TMEM184B: variants seen among roughly 807,000 people sequenced by gnomAD.
TMEM184B encodes transmembrane protein 184B, also known as putative MAPK-activating protein FM08.
A neutral mutation model predicts 41.8 loss-of-function variants in TMEM184B; 17 were observed. That is an observed-to-expected ratio of 0.41 (90% CI 0.28 to 0.61). The LOEUF (loss-of-function observed/expected upper bound fraction) is 0.61. Among genes scored for constraint, TMEM184B ranks in the 20% least tolerant of loss-of-function variants. The pLI, the probability that TMEM184B is intolerant of heterozygous loss-of-function variation, is 0.34. For missense variants in TMEM184B, 393 were observed against 557.8 expected (o/e 0.70, Z 2.98); for synonymous variants, 240 against 229.5 (o/e 1.05, Z -0.41).
In TMEM184B at chr22:38,220,561, C is replaced by G. The variant is rs2146041738; in HGVS notation, c.*908G>C. 1 of 985,972 alleles carries G rather than the reference C, an allele frequency of 1.0e-6. No homozygotes were observed. Among genetic ancestry groups the G allele is most frequent in the Non-Finnish European group, 1.2e-6 (1 of 830,024 alleles). The allele number at this position is 985,972 out of a possible 1,614,324, so 61.1% of individuals were successfully genotyped here. A position where few individuals can be genotyped will look rare whatever the true frequency, so the allele number is the denominator to read the frequency against. On this transcript the variant is annotated 3_prime_UTR_variant, in exon 9 of 9. Transcript: ENST00000361906. Reference sequence around the variant, plus strand: ...CAGAAGCTGGTCTGAAACGTGGAGACTCAGACCTTTCCCCTGAAACGGGAG... The same window carrying G: ...CAGAAGCTGGTCTGAAACGTGGAGAGTCAGACCTTTCCCCTGAAACGGGAG...
chr22:38,222,471 G>T, intron 8 of TMEM184B: 1 of 387,962 alleles, frequency 2.6e-6, no homozygotes, highest in Non-Finnish European at 3.5e-6. Flanking sequence ...GACGGAAGCA[G>T]GCAAGCTCTA....
At position 38,220,667 on chromosome 22, in the gene TMEM184B, G is replaced by T. The variant is rs2091233393; in HGVS notation, c.*802C>A. 1.0e-6 allele frequency: 1 copy of T among 986,220 alleles called. No homozygotes were observed. The allele number at this position is 986,220 out of a possible 1,614,324, so 61.1% of individuals were successfully genotyped here. A position where few individuals can be genotyped will look rare whatever the true frequency, so the allele number is the denominator to read the frequency against. ...AGCCCCTGAGCCCTGAAGCAGCCAG[G>T]AAGCAAGGGCTCTGCCCAAAGCTAT... On this transcript the variant is annotated 3_prime_UTR_variant, in exon 9 of 9. Coordinates refer to ENST00000361906, the MANE Select transcript of TMEM184B (RefSeq NM_012264.5).
intron 1 of TMEM184B, among the ~76,000 whole-genome samples, chr22:38,250,956 C>T (rs1007881610): frequency 2.6e-5 from 4 of 152,134 alleles, no homozygotes; most frequent in Non-Finnish European, 4.4e-5. Flanking sequence ...AGTGACTTAC[C>T]CCCAAATCAG....
chr22:38,226,748 CCA>C lies in TMEM184B; in HGVS notation c.617+29_617+30del, dbSNP rs2091451440. ...GCACCAGCCTGCGCCAACACTCCTC[CCA>C]CACACCCCGGGGAGCACCCGCTGCT... On this transcript the variant is annotated intron_variant, in intron 6 of 8. Coordinates refer to ENST00000361906, the MANE Select transcript of TMEM184B (RefSeq NM_012264.5). The surrounding 1 kb of genome is among the most constrained non-coding windows in gnomAD (Gnocchi z 4.6). The C allele has an allele frequency of 6.4e-7, 1 of 1,564,288 alleles. No individual in the cohort carries two copies. Among genetic ancestry groups the C allele is most frequent in the Non-Finnish European group, 8.7e-7 (1 of 1,153,502 alleles).
intron 3 of TMEM184B, among the ~76,000 whole-genome samples, chr22:38,233,858 C>T (rs2091700990): frequency 6.6e-6 from 1 of 152,162 alleles, no homozygotes; most frequent in Non-Finnish European, 1.5e-5. Context: ...CAACCTCCAC[C>T]TCTAGGGTTC....
chr22:38,253,799 AG>A (rs2092220896), intron 1 of TMEM184B, among the ~76,000 whole-genome samples: 1 of 152,226 alleles, frequency 6.6e-6, no homozygotes, highest in African/African-American at 2.4e-5. Flanking sequence ...ATATAAGAAA[AG>A]TAAAAACTTA....
At chr22:38,234,841 C>T (rs2091730541) in intron 3 of TMEM184B, among the ~76,000 whole-genome samples, 1 of 152,200 alleles carries the variant, frequency 6.6e-6, no homozygotes, top group Admixed American at 6.6e-5. Context: ...GTGGTCCCAC[C>T]TCTTAGGAGC....
chr22:38,218,626 G>A (rs1175441763), downstream of TMEM184B, among the ~76,000 whole-genome samples: 1 of 152,162 alleles, frequency 6.6e-6, no homozygotes, highest in East Asian at 1.9e-4. Context: ...CCGTGTCCAC[G>A]GGGCTTTCTC....
In TMEM184B at chr22:38,226,399, A is replaced by G. The variant is rs1462611124; in HGVS notation, c.617+380T>C. The G allele has an allele frequency of 4.9e-6, 1 of 206,156 alleles. No individual in the cohort carries two copies. The highest frequency in any genetic ancestry group is 5.1e-5 in the Admixed American group (1 of 19,606). The allele number at this position is 206,156 out of a possible 1,614,324, so 12.8% of individuals were successfully genotyped here. A position where few individuals can be genotyped will look rare whatever the true frequency, so the allele number is the denominator to read the frequency against. ...CCCAGCCACGGGGTCACTTTCACTA[A>G]GCCCAGAATGAAATGGGTGTGGACA... On this transcript the variant is annotated intron_variant, in intron 6 of 8. Transcript: ENST00000361906. This position sits in a 1 kb window ranked among gnomAD's most constrained non-coding sequence, Gnocchi z 4.6.
chr22:38,251,784 A>G (rs1215777265), intron 1 of TMEM184B, among the ~76,000 whole-genome samples: 4 of 152,150 alleles, frequency 2.6e-5, no homozygotes, highest in Non-Finnish European at 5.9e-5. Context: ...TCCCGTGGGG[A>G]AAGGGGTGGG....
At chr22:38,221,783 C>A (rs556726576) in intron 8 of TMEM184B, 73 bp from the exon 9 acceptor site, 1 of 1,571,526 alleles carries the variant, frequency 6.4e-7, no homozygotes, top group South Asian at 1.2e-5. Context: ...AGCCCCTGCC[C>A]GTGATCCTGG....
At chr22:38,271,359 G>A (rs2092519579) in intron 1 of TMEM184B, among the ~76,000 whole-genome samples, 1 of 152,200 alleles carries the variant, frequency 6.6e-6, no homozygotes, top group Non-Finnish European at 1.5e-5. Context: ...ATTCCATCCA[G>A]GCTTGCCACG....
At position 38,220,237 on chromosome 22, in the gene TMEM184B, T is replaced by C. The variant is rs541812365; in HGVS notation, c.*1232A>G. 5,055 of 985,784 alleles carry C rather than the reference T, an allele frequency of 5.1e-3. 21 individuals are homozygous for C. Among genetic ancestry groups the C allele is most frequent in the Non-Finnish European group, 5.8e-3 (4,791 of 830,020 alleles). The allele number at this position is 985,784 out of a possible 1,614,324, so 61.1% of individuals were successfully genotyped here. On this transcript the variant is annotated 3_prime_UTR_variant, in exon 9 of 9. Coordinates refer to ENST00000361906, the MANE Select transcript of TMEM184B (RefSeq NM_012264.5). Reference sequence around the variant, plus strand: ...GTGGAGGGGGAGAGGAGGGGCTTGGTGGTCCTGACCACTCCTGAGGCCTGT... The same window carrying C: ...GTGGAGGGGGAGAGGAGGGGCTTGGCGGTCCTGACCACTCCTGAGGCCTGT...
intron 8 of TMEM184B, chr22:38,223,956 G>A (rs2091342692): frequency 6.6e-6 from 1 of 152,266 alleles, no homozygotes. Context: ...TCCGAGGGTG[G>A]GGCTGGGTAT....
Position 38,239,062 on chromosome 22 carries a change from C to CCT in TMEM184B, c.358+6871_358+6872dup, listed in dbSNP as rs2091848152. On this transcript the variant is annotated intron_variant, in intron 3 of 8. Coordinates refer to ENST00000361906, the MANE Select transcript of TMEM184B (RefSeq NM_012264.5). The surrounding 1 kb of genome is among the most constrained non-coding windows in gnomAD (Gnocchi z 4.6). ...TGCCTCTGAACCCCAAGGCCCTGTG[C>CCT]CTCTGATCACAGAACTCCCCAGCAC... 6.6e-6 allele frequency among the ~76,000 whole-genome samples: 1 copy of CCT among 152,200 alleles called. No homozygotes were observed. The highest frequency in any genetic ancestry group is 6.5e-5 in the Admixed American group (1 of 15,278).
intron 5 of TMEM184B, among the ~76,000 whole-genome samples, chr22:38,228,312 G>C (rs1223822374): frequency 6.6e-6 from 1 of 152,184 alleles, no homozygotes; most frequent in Admixed American, 6.5e-5. Flanking sequence ...TGTTTCCCTG[G>C]GTCAGCTCAC....
chr22:38,232,977 G>C (rs1460855632), intron 3 of TMEM184B, among the ~76,000 whole-genome samples: 12 of 152,132 alleles, frequency 7.9e-5, no homozygotes, highest in Admixed American at 7.9e-4. Context: ...CTGATTTGCA[G>C]ACACTTCCCA....
chr22:38,233,513 T>C (rs2267377), intron 3 of TMEM184B, among the ~76,000 whole-genome samples: 70,282 of 152,100 alleles, frequency 0.46, 16,424 homozygotes, highest in South Asian at 0.57. Context: ...GGCTGAGGGC[T>C]GTGTGTACTG....
Position 38,220,473 on chromosome 22 carries a change from C to G in TMEM184B, c.*996G>C. On this transcript the variant is annotated 3_prime_UTR_variant, in exon 9 of 9. Transcript: ENST00000361906. ...CGAGAGGAGTCTGGGACCATTCCCCCCACCTCCCAGCTCCCCACTGTGTGG... is the reference window on the plus strand; with the variant it reads ...CGAGAGGAGTCTGGGACCATTCCCCGCACCTCCCAGCTCCCCACTGTGTGG... The G allele has an allele frequency of 3.0e-6, 3 of 985,912 alleles. No homozygotes were observed. Among genetic ancestry groups the G allele is most frequent in the South Asian group, 4.7e-5 (1 of 21,288 alleles). 61.1% of individuals were successfully genotyped at this position (985,912 alleles called of 1,614,324 possible). A position where few individuals can be genotyped will look rare whatever the true frequency, so the allele number is the denominator to read the frequency against.
Sources: allele counts gnomAD v4.1 joint callset (sites outside exome capture counted in the v4.1 genomes callset), GRCh38; gene constraint gnomAD v4.1.1; non-coding constraint Gnocchi (gnomAD v3.1); transcripts MANE v1.5; gene names NCBI Gene and HGNC (gene_info 2026-07-23, HGNC 2026-07-21).